Variants in ULK4 observed in about 807,000 individuals in gnomAD.
ULK4 encodes unc-51 like kinase 4, also known as inactive serine/threonine-protein kinase ULK4.
A neutral mutation model predicts 160.6 loss-of-function variants in ULK4; 133 were observed. The observed-to-expected ratio is 0.83, with a 90% CI of 0.72 to 0.96. The LOEUF is 0.96. ULK4 is among the 40% of genes least tolerant of loss of function. The probability of loss-of-function intolerance (pLI) is 0.00; values close to 1 mark genes in which losing one functional copy is unlikely to be tolerated. For synonymous variants in ULK4, 534 were observed against 539.8 expected (o/e 0.99, Z 0.15); for missense variants, 1,580 against 1,499.5 (o/e 1.05, Z -0.89).
At chr3:41,867,173 G>A (rs758786696) in intron 17 of ULK4, among the ~76,000 whole-genome samples, 29 of 151,996 alleles carry the variant, frequency 1.9e-4, no homozygotes, top group Non-Finnish European at 3.7e-4. Context: ...TATTTGAATT[G>A]CATTGGGTTT....
At chr3:41,264,628 C>T (rs1337149571) in intron 35 of ULK4, among the ~76,000 whole-genome samples, 2 of 152,168 alleles carry the variant, frequency 1.3e-5, no homozygotes, top group Admixed American at 6.5e-5. Flanking sequence ...CACTCAAGTA[C>T]TCTTCAAAGA....
chr3:41,502,715 C>T (rs907867548), intron 32 of ULK4, among the ~76,000 whole-genome samples: 1 of 152,046 alleles, frequency 6.6e-6, no homozygotes. Context: ...TTGTATGATT[C>T]CATTTATATA....
chr3:41,961,550 A>ACCCCTCCCCCCCCCCCCCCCCCC (rs57463009), intron 1 of ULK4, among the ~76,000 whole-genome samples: 1 of 124,686 alleles, frequency 8.0e-6, no homozygotes, highest in Admixed American at 7.4e-5. Context: ...GTAGTCACTC[A>ACCCCTCCCCCCCCCCCCCCCCCC]CCCCCCCCCC....
chr3:41,509,489 A>G (rs182607891), intron 32 of ULK4, among the ~76,000 whole-genome samples: 1 of 152,230 alleles, frequency 6.6e-6, no homozygotes, highest in East Asian at 1.9e-4. Flanking sequence ...TGGGAAACTC[A>G]TCACAGGAAG....
chr3:41,642,849 C>A (rs1271775814), intron 30 of ULK4, among the ~76,000 whole-genome samples: 1 of 152,192 alleles, frequency 6.6e-6, no homozygotes, highest in Non-Finnish European at 1.5e-5. Context: ...TCTCCAGCAC[C>A]TGTTGTTTTC....
intron 18 of ULK4, among the ~76,000 whole-genome samples, chr3:41,825,651 G>A (rs913671099): frequency 1.3e-5 from 2 of 152,140 alleles, no homozygotes; most frequent in African/African-American, 4.8e-5. Context: ...AAGAAATACG[G>A]GACTATGTGA....
At position 41,633,099 on chromosome 3, in the gene ULK4, T is replaced by C. The variant is rs570478384; in HGVS notation, c.3072-17382A>G. 1.1e-4 allele frequency among the ~76,000 whole-genome samples: 17 copies of C among 152,226 alleles called. No homozygotes were observed. In the East Asian group the frequency reaches 3.1e-3, roughly 28 times the overall value. ...ATAAGTGGAAGAGGCAAAAAGAAGG[T>C]AGCGAAAGATCCAGCTAGAAGAGTA... On this transcript the variant is annotated intron_variant, in intron 30 of 36. Transcript: ENST00000301831.
chr3:41,890,740 AC>A (rs1229085945), intron 16 of ULK4, among the ~76,000 whole-genome samples: 19 of 17,360 alleles, frequency 1.1e-3, no homozygotes, highest in Non-Finnish European at 2.3e-3. Context: ...GAAGGAAGGG[AC>A]AGGAGGGACG....
At chr3:41,854,696 C>G (rs1253637512) in intron 17 of ULK4, among the ~76,000 whole-genome samples, 1 of 152,112 alleles carries the variant, frequency 6.6e-6, no homozygotes, top group Non-Finnish European at 1.5e-5. Flanking sequence ...AGACCTAGAG[C>G]TCCCCAAGTA....
chr3:41,272,873 T>C (rs2079162863), intron 35 of ULK4, among the ~76,000 whole-genome samples: 1 of 152,212 alleles, frequency 6.6e-6, no homozygotes, highest in Non-Finnish European at 1.5e-5. Context: ...TACCATCCCA[T>C]GTATTTTTTC....
At chr3:41,643,565 A>G (rs1292768564) in intron 30 of ULK4, among the ~76,000 whole-genome samples, 2 of 152,160 alleles carry the variant, frequency 1.3e-5, no homozygotes, top group African/African-American at 4.8e-5. Context: ...CTGTTTTGGT[A>G]CCAGTACCGT....
At chr3:41,816,720 G>A (rs1417361732) in intron 19 of ULK4, among the ~76,000 whole-genome samples, 1 of 152,164 alleles carries the variant, frequency 6.6e-6, no homozygotes, top group Non-Finnish European at 1.5e-5. Context: ...GCTGAGGCAG[G>A]AGGATCACTT....
At chr3:41,579,813 AGAGT>A (rs1210394362) in intron 31 of ULK4, among the ~76,000 whole-genome samples, 1 of 152,104 alleles carries the variant, frequency 6.6e-6, no homozygotes, top group African/African-American at 2.4e-5. Context: ...TTTTTTGCTA[AGAGT>A]GAGTCAAAAG....
chr3:41,791,568 T>C (rs926732048), intron 20 of ULK4, among the ~76,000 whole-genome samples: 1 of 152,208 alleles, frequency 6.6e-6, no homozygotes, highest in Non-Finnish European at 1.5e-5. Flanking sequence ...GAGGTAGGAA[T>C]GGGGCCACGA....
intron 17 of ULK4, among the ~76,000 whole-genome samples, chr3:41,856,616 CACATAT>C (rs2042370112): frequency 2.7e-5 from 2 of 73,398 alleles, no homozygotes; most frequent in Non-Finnish European, 5.1e-5. Context: ...TATATATATA[CACATAT>C]ATATATATGT....
At chr3:41,280,516 G>A (rs947701094) in intron 35 of ULK4, among the ~76,000 whole-genome samples, 10 of 152,190 alleles carry the variant, frequency 6.6e-5, no homozygotes, top group South Asian at 2.1e-4. Flanking sequence ...ACTCAAAACC[G>A]CACAACTACA....
At chr3:41,647,065 T>C (rs920232508) in intron 30 of ULK4, among the ~76,000 whole-genome samples, 13 of 152,252 alleles carry the variant, frequency 8.5e-5, no homozygotes, top group Non-Finnish European at 1.8e-4. Context: ...AGCACTTCTC[T>C]GTATTGGTTA....
chr3:41,762,882 C>G (rs1166437935), intron 21 of ULK4, among the ~76,000 whole-genome samples: 2 of 151,936 alleles, frequency 1.3e-5, no homozygotes, highest in Non-Finnish European at 2.9e-5. Flanking sequence ...CCAGGATTGT[C>G]TCAATCTCCT....
intron 31 of ULK4, among the ~76,000 whole-genome samples, chr3:41,569,212 A>G (rs1415286911): frequency 1.3e-5 from 2 of 152,140 alleles, no homozygotes; most frequent in Non-Finnish European, 2.9e-5. Context: ...TATGTAGGCA[A>G]GACTGATTAT....
Sources: allele counts gnomAD v4.1 joint callset (sites outside exome capture counted in the v4.1 genomes callset), GRCh38; gene constraint gnomAD v4.1.1; transcripts MANE v1.5; gene names NCBI Gene and HGNC (gene_info 2026-07-23, HGNC 2026-07-21).